The following LMBRD1 variants were observed in gnomAD, a reference collection of about 807,000 sequenced individuals.
LMBRD1 encodes LMBR1 domain containing 1.
In LMBRD1, 64 loss-of-function variants were observed where a neutral mutation model predicts 74.8. The observed-to-expected ratio is 0.86, with a 90% confidence interval of 0.70 to 1.05. The LOEUF is 1.05. Ranked by LOEUF, LMBRD1 falls within the 50% of genes least tolerant of loss-of-function variation. The pLI is 0.00. For synonymous variants in LMBRD1, 204 were observed against 216.3 expected (o/e 0.94, Z 0.50); for missense variants, 652 against 645.9 (o/e 1.01, Z -0.10).
intron 3 of LMBRD1, among the ~76,000 whole-genome samples, chr6:69,760,807 T>C (rs1202602064): frequency 2.6e-5 from 4 of 152,176 alleles, no homozygotes; most frequent in Admixed American, 6.6e-5. Context: ...CTGGCTGCCA[T>C]GTTGTGAGCT....
chr6:69,677,375 A>G (rs1431323240), intron 14 of LMBRD1, among the ~76,000 whole-genome samples: 1 of 152,156 alleles, frequency 6.6e-6, no homozygotes, highest in Non-Finnish European at 1.5e-5. Flanking sequence ...GCCAGCTCCT[A>G]CATAGAAAGG....
rs192062492 is a variant in LMBRD1 at position 69,710,612 on chromosome 6, A to G, written c.915+3033T>C. Among the ~76,000 whole-genome samples the G allele has an allele frequency of 4.3e-4, 65 of 152,288 alleles. 1 individual carries two copies. Among genetic ancestry groups the G allele is most frequent in the Admixed American group, 3.5e-3 (54 of 15,284 alleles). On this transcript the variant is annotated intron_variant, in intron 9 of 15. Coordinates refer to ENST00000649934, the MANE Select transcript of LMBRD1 (RefSeq NM_018368.4). ...TGACAAAGTGCTAGATCCAGACTAT[A>G]TAATGAACGCTTGTATCTCACTCAT...
intron 7 of LMBRD1, among the ~76,000 whole-genome samples, chr6:69,733,629 T>C (rs1766910529): frequency 6.6e-6 from 1 of 152,036 alleles, no homozygotes; most frequent in African/African-American, 2.4e-5. Context: ...TTCCCCTCCC[T>C]CTATACACCA....
chr6:69,712,440 G>GTTC (rs747700279), intron 9 of LMBRD1, among the ~76,000 whole-genome samples: 1,411 of 109,414 alleles, frequency 0.013, 25 homozygotes, highest in African/African-American at 0.051. Context: ...GAGTTCCTAT[G>GTTC]TTTTTTTTTT....
chr6:69,768,125 T>C (rs542303116), intron 3 of LMBRD1, among the ~76,000 whole-genome samples: 1 of 152,080 alleles, frequency 6.6e-6, no homozygotes, highest in East Asian at 1.9e-4. Flanking sequence ...CTTCATTTGT[T>C]GATCCACTAT....
intron 14 of LMBRD1, 129 bp downstream of exon 14, chr6:69,697,434 C>T: frequency 2.9e-6 from 2 of 683,470 alleles, no homozygotes; most frequent in South Asian, 1.7e-5. Context: ...AGAGATTTAC[C>T]AACCTCTACT....
At chr6:69,759,881 GAA>G (rs1407022740) in intron 3 of LMBRD1, among the ~76,000 whole-genome samples, 1 of 151,950 alleles carries the variant, frequency 6.6e-6, no homozygotes. Flanking sequence ...GCAGAAAACT[GAA>G]AAAGCCAACA....
At chr6:69,683,526 C>T (rs1018812848) in intron 14 of LMBRD1, among the ~76,000 whole-genome samples, 1 of 151,946 alleles carries the variant, frequency 6.6e-6, no homozygotes, top group African/African-American at 2.4e-5. Flanking sequence ...AGAAATAGTT[C>T]GATCTCATCA....
intron 7 of LMBRD1, among the ~76,000 whole-genome samples, chr6:69,727,903 T>C (rs1307434567): frequency 6.6e-6 from 1 of 152,170 alleles, no homozygotes; most frequent in African/African-American, 2.4e-5. Flanking sequence ...ACATTATTGA[T>C]AAAAAGTAAC....
intron 1 of LMBRD1, 56 bp from the exon 2 acceptor site, chr6:69,790,528 TTGTA>T (rs1209487813): frequency 6.5e-7 from 1 of 1,549,202 alleles, no homozygotes; most frequent in African/African-American, 1.4e-5. Context: ...TCTCTGATTT[TTGTA>T]TGTGTTTGAA....
chr6:69,764,264 C>A (rs948063124), intron 3 of LMBRD1, among the ~76,000 whole-genome samples: 2 of 152,070 alleles, frequency 1.3e-5, no homozygotes, highest in Admixed American at 6.6e-5. Flanking sequence ...GTTAGGGCCC[C>A]TGTGATGGCA....
intron 7 of LMBRD1, among the ~76,000 whole-genome samples, chr6:69,720,198 A>G (rs1766583539): frequency 6.6e-6 from 1 of 152,230 alleles, no homozygotes; most frequent in Non-Finnish European, 1.5e-5. Context: ...AGGGAGAAGA[A>G]CAAAAAACAT....
At chr6:69,700,711 T>G (rs1766107215) in intron 12 of LMBRD1, 54 bp downstream of exon 12, 2 of 1,172,806 alleles carry the variant, frequency 1.7e-6, no homozygotes, top group Admixed American at 2.8e-5. Flanking sequence ...TTTGTAATTA[T>G]GGAGATCACA....
chr6:69,677,005 G>A (rs1247914194), intron 14 of LMBRD1, among the ~76,000 whole-genome samples: 8 of 152,148 alleles, frequency 5.3e-5, no homozygotes, highest in Non-Finnish European at 7.4e-5. Context: ...TAAGTTTCAC[G>A]GTCAACACTC....
At chr6:69,745,914 G>T in intron 5 of LMBRD1, 1 of 219,266 alleles carries the variant, frequency 4.6e-6, no homozygotes, top group Non-Finnish European at 9.2e-6. Context: ...GGCCATAGTG[G>T]TGCCTGGTCA....
intron 7 of LMBRD1, among the ~76,000 whole-genome samples, chr6:69,735,740 T>A (rs1766962577): frequency 1.3e-5 from 2 of 152,226 alleles, no homozygotes; most frequent in Non-Finnish European, 2.9e-5. Context: ...ACTGTTAAAA[T>A]GTTTGTCAGA....
intron 9 of LMBRD1, chr6:69,705,522 GA>G: frequency 7.8e-7 from 1 of 1,288,304 alleles, no homozygotes; most frequent in South Asian, 1.2e-5. Context: ...TGGTATTGAT[GA>G]TGGTTTTGAG....
At chr6:69,722,048 T>C (rs1766627293) in intron 7 of LMBRD1, among the ~76,000 whole-genome samples, 1 of 152,144 alleles carries the variant, frequency 6.6e-6, no homozygotes, top group Admixed American at 6.6e-5. Context: ...CCACAGATCA[T>C]CAGGTAAACT....
intron 14 of LMBRD1, among the ~76,000 whole-genome samples, chr6:69,687,305 T>C (rs1319455929): frequency 6.6e-6 from 1 of 152,172 alleles, no homozygotes; most frequent in East Asian, 1.9e-4. Context: ...TTCCTCCTTC[T>C]GAACACCAGT....
Sources: allele counts gnomAD v4.1 joint callset (sites outside exome capture counted in the v4.1 genomes callset), GRCh38; gene constraint gnomAD v4.1.1; transcripts MANE v1.5; gene names NCBI Gene and HGNC (gene_info 2026-07-23, HGNC 2026-07-21).